GRM1: variants seen among roughly 807,000 people sequenced by gnomAD.
The protein encoded by GRM1 is metabotropic glutamate receptor 1.
Under a neutral mutation model 90.9 loss-of-function variants are expected in GRM1, and 33 were observed. The ratio of observed to expected loss-of-function variants is 0.36; its 90% CI spans 0.28 to 0.49. The LOEUF is 0.49. GRM1 is among the 20% of genes least tolerant of loss of function. The pLI is 0.99. For missense variants in GRM1, 1,190 were observed against 1,534.3 expected, an observed-to-expected ratio of 0.78 and a Z score of 3.75; for synonymous variants, 700 against 613.2, an observed-to-expected ratio of 1.14 and a Z score of -2.09.
At chr6:146,091,950 C>G (rs1000312735) in intron 1 of GRM1, among the ~76,000 whole-genome samples, 1 of 152,074 alleles carries the variant, frequency 6.6e-6, no homozygotes. Context: ...AGATTCCATG[C>G]TGTCATCTTT....
chr6:146,179,648 G>T (rs1482697104), intron 2 of GRM1, among the ~76,000 whole-genome samples: 1 of 152,104 alleles, frequency 6.6e-6, no homozygotes, highest in African/African-American at 2.4e-5. Flanking sequence ...CAAGAAGCTG[G>T]GACTACAGGT....
chr6:146,244,234 T>A (rs1290214905), intron 2 of GRM1, among the ~76,000 whole-genome samples: 1 of 152,124 alleles, frequency 6.6e-6, no homozygotes, highest in Non-Finnish European at 1.5e-5. Flanking sequence ...GCATAGGAAA[T>A]CACAAGAGTA....
At chr6:146,271,812 A>G (rs1562572135) in intron 2 of GRM1, among the ~76,000 whole-genome samples, 1 of 152,214 alleles carries the variant, frequency 6.6e-6, no homozygotes, top group Non-Finnish European at 1.5e-5. Flanking sequence ...CTGCATAATG[A>G]TTTATGAGCC....
intron 2 of GRM1, among the ~76,000 whole-genome samples, chr6:146,243,335 T>C (rs1583212934): frequency 6.6e-6 from 1 of 152,108 alleles, no homozygotes; most frequent in African/African-American, 2.4e-5. Flanking sequence ...TGGTACTCTG[T>C]CCAGCCATTA....
chr6:146,425,933 G>T (rs1778192591), intron 7 of GRM1, among the ~76,000 whole-genome samples: 1 of 152,194 alleles, frequency 6.6e-6, no homozygotes, highest in Non-Finnish European at 1.5e-5. Context: ...ACAGAAGCCA[G>T]ACTATCCTAG....
At chr6:146,156,176 CA>C (rs1319563121) in intron 1 of GRM1, among the ~76,000 whole-genome samples, 9 of 152,096 alleles carry the variant, frequency 5.9e-5, no homozygotes, top group African/African-American at 2.2e-4. Flanking sequence ...GAGGCTGAGG[CA>C]GGTTGATCAT....
chr6:146,053,093 A>G (rs953349898), intron 1 of GRM1, among the ~76,000 whole-genome samples: 3 of 152,096 alleles, frequency 2.0e-5, no homozygotes, highest in Admixed American at 2.0e-4. Flanking sequence ...GTTATCCATC[A>G]TTAGCCTTCA....
chr6:146,377,566 A>G (rs1239730390), intron 5 of GRM1, among the ~76,000 whole-genome samples: 2 of 152,174 alleles, frequency 1.3e-5, no homozygotes, highest in Non-Finnish European at 2.9e-5. Context: ...GAAAGAGGAT[A>G]AAAGTTTGGA....
chr6:146,415,118 G>A (rs1777729601), intron 7 of GRM1, among the ~76,000 whole-genome samples: 1 of 152,154 alleles, frequency 6.6e-6, no homozygotes, highest in Non-Finnish European at 1.5e-5. Flanking sequence ...TACAGTTCTG[G>A]AACATGAAGT....
chr6:146,060,192 G>T (rs1043763157), intron 1 of GRM1, among the ~76,000 whole-genome samples: 5 of 151,914 alleles, frequency 3.3e-5, no homozygotes, highest in Non-Finnish European at 5.9e-5. Context: ...AGGAAGATGT[G>T]CAACTCTTCC....
intron 4 of GRM1, 62 bp from the exon 5 acceptor site, chr6:146,357,464 C>A: frequency 1.5e-6 from 2 of 1,369,816 alleles, no homozygotes; most frequent in Non-Finnish European, 2.1e-6. Flanking sequence ...TACTTACCAA[C>A]TTTCTTTGTT....
chr6:146,216,537 T>C (rs1236298886), intron 2 of GRM1, among the ~76,000 whole-genome samples: 1 of 152,212 alleles, frequency 6.6e-6, no homozygotes, highest in Non-Finnish European at 1.5e-5. Context: ...GTTTGTCTTC[T>C]TTGGCCTCCA....
At chr6:146,408,964 T>A (rs1430195754) in intron 7 of GRM1, among the ~76,000 whole-genome samples, 2 of 152,226 alleles carry the variant, frequency 1.3e-5, no homozygotes, top group East Asian at 3.9e-4. Flanking sequence ...AAAGTCTCAG[T>A]GGGTTTGGAA....
intron 2 of GRM1, among the ~76,000 whole-genome samples, chr6:146,172,816 G>A (rs1778186784): frequency 6.6e-6 from 1 of 152,022 alleles, no homozygotes. Flanking sequence ...ATATTTAATG[G>A]CATTTGGATT....
intron 1 of GRM1, among the ~76,000 whole-genome samples, chr6:146,110,655 T>G (rs2128873677): frequency 6.6e-6 from 1 of 152,312 alleles, no homozygotes; most frequent in Middle Eastern, 3.4e-3. Context: ...CCCTCCTTCC[T>G]AAAAGCTGTT....
At chr6:146,196,655 C>T (rs1160351821) in intron 2 of GRM1, among the ~76,000 whole-genome samples, 1 of 151,816 alleles carries the variant, frequency 6.6e-6, no homozygotes, top group Non-Finnish European at 1.5e-5. Flanking sequence ...ATATTAGTGC[C>T]ACCTGGGAAC....
At chr6:146,224,678 GA>G (rs1233970325) in intron 2 of GRM1, among the ~76,000 whole-genome samples, 1 of 152,148 alleles carries the variant, frequency 6.6e-6, no homozygotes, top group Middle Eastern at 3.2e-3. Flanking sequence ...TGAGTAAGAT[GA>G]AAGTTTCTGC....
chr6:146,070,144 T>C lies in GRM1; in HGVS notation c.700+39927T>C, dbSNP rs1775977035. Among the ~76,000 whole-genome samples the C allele has an allele frequency of 3.3e-5, 5 of 152,194 alleles. No individual in the cohort carries two copies. The South Asian group carries it at 1.0e-3, about 31-fold the overall frequency. On this transcript the variant is annotated intron_variant, in intron 1 of 7. Coordinates refer to ENST00000282753, the MANE Select transcript of GRM1 (RefSeq NM_001278064.2). Reference sequence around the variant, plus strand: ...AGAAAAGTTTCTGAAAACACTTCTTTATCTTTCCTCCAGTGCTCTTAAAGT... The same window carrying C: ...AGAAAAGTTTCTGAAAACACTTCTTCATCTTTCCTCCAGTGCTCTTAAAGT...
intron 1 of GRM1, among the ~76,000 whole-genome samples, chr6:146,074,994 T>G (rs2079697598): frequency 6.6e-6 from 1 of 152,180 alleles, no homozygotes; most frequent in African/African-American, 2.4e-5. Context: ...ATTTTACATC[T>G]TTTTGCCTTT....
Sources: allele counts gnomAD v4.1 joint callset (sites outside exome capture counted in the v4.1 genomes callset), GRCh38; gene constraint gnomAD v4.1.1; transcripts MANE v1.5; gene names NCBI Gene and HGNC (gene_info 2026-07-23, HGNC 2026-07-21).